The following EXOC4 variants were observed in gnomAD, a reference collection of about 807,000 sequenced individuals.
The protein encoded by EXOC4 is exocyst complex component 4.
Under a neutral mutation model 107.2 loss-of-function variants are expected in EXOC4, and 71 were observed. The observed-to-expected ratio is 0.66, with a 90% confidence interval of 0.55 to 0.81. The LOEUF is 0.81. Among genes scored for constraint, EXOC4 ranks in the 30% least tolerant of loss-of-function variants. The pLI is 0.00. For synonymous variants in EXOC4, 456 were observed against 441.2 expected, an observed-to-expected ratio of 1.03 and a Z score of -0.42; for missense variants, 1,108 against 1,189.6, an observed-to-expected ratio of 0.93 and a Z score of 1.01.
In EXOC4 at chr7:133,275,134, C is replaced by T; in HGVS notation, c.239C>T (p.Thr80Ile). Residue 80 changes from threonine (T) to isoleucine (I), a missense_variant, in exon 2 of 18, where the codon ACA (threonine) becomes ATA (isoleucine). Coordinates refer to ENST00000253861, the MANE Select transcript of EXOC4 (RefSeq NM_021807.4). ...GCCATTCGCACATACCAGAGCATCACAGAGCGCATCACTAACTCCCGAAAT... is the reference window on the plus strand; with the variant it reads ...GCCATTCGCACATACCAGAGCATCATAGAGCGCATCACTAACTCCCGAAAT... ...TTAIRTYQSI[T>I]ERITNSRNKI... 1 of 1,607,418 alleles carries T rather than the reference C, an allele frequency of 6.2e-7. No homozygotes were observed. Among genetic ancestry groups the T allele is most frequent in the Non-Finnish European group, 8.5e-7 (1 of 1,176,800 alleles).
In EXOC4 at chr7:133,274,540, C is replaced by T. The variant is rs191964514; in HGVS notation, c.87-442C>T. Among the ~76,000 whole-genome samples, 5 of 152,284 alleles carry T rather than the reference C, an allele frequency of 3.3e-5. No homozygotes were observed. In the East Asian group the frequency reaches 9.6e-4, roughly 29 times the overall value. On this transcript the variant is annotated intron_variant, in intron 1 of 17. Transcript: ENST00000253861. ...GGCTGAAGTGTCTTAAGTATCTTAT[C>T]TTTGTACAGTGATACCTAGGGTTGG...
chr7:133,453,454 C>T (rs1249928795), intron 7 of EXOC4, among the ~76,000 whole-genome samples: 5 of 152,128 alleles, frequency 3.3e-5, no homozygotes, highest in Admixed American at 2.0e-4. Flanking sequence ...GATCTGTAAT[C>T]ATTTAAAGAA....
chr7:133,351,027 G>C (rs1795897470), intron 5 of EXOC4, among the ~76,000 whole-genome samples: 1 of 151,494 alleles, frequency 6.6e-6, no homozygotes, highest in South Asian at 2.1e-4. Context: ...ATTTCCTTTT[G>C]AGATTGTTCA....
chr7:133,342,093 C>G (rs575942641), intron 5 of EXOC4, among the ~76,000 whole-genome samples: 2 of 151,834 alleles, frequency 1.3e-5, no homozygotes, highest in East Asian at 3.9e-4. Context: ...TGCCTGAATA[C>G]CTTGGTTTTT....
At chr7:134,086,752 G>A in the EXOC4 span, among the ~76,000 whole-genome samples, 1 of 152,298 alleles carries the variant, frequency 6.6e-6, no homozygotes, top group Non-Finnish European at 1.5e-5. Flanking sequence ...TATTAAGAAA[G>A]TAGAGGAATA....
chr7:133,265,748 A>C (rs1793713497), intron 1 of EXOC4, among the ~76,000 whole-genome samples: 1 of 152,198 alleles, frequency 6.6e-6, no homozygotes, highest in Non-Finnish European at 1.5e-5. Flanking sequence ...GAATGTCTTT[A>C]GTAGACAATT....
intron 2 of EXOC4, among the ~76,000 whole-genome samples, chr7:133,284,909 C>T (rs930759280): frequency 2.6e-5 from 4 of 152,164 alleles, no homozygotes; most frequent in African/African-American, 7.2e-5. Flanking sequence ...TCATCCTACC[C>T]CGGTCCCAGT....
intron 10 of EXOC4, among the ~76,000 whole-genome samples, chr7:133,746,148 G>T (rs10954431): frequency 0.36 from 54,969 of 151,852 alleles, 12,366 homozygotes; most frequent in Admixed American, 0.54. Context: ...TTTAGAAGTG[G>T]CCATTCCAAC....
chr7:133,548,513 T>C (rs1416656170), intron 9 of EXOC4, among the ~76,000 whole-genome samples: 2 of 152,338 alleles, frequency 1.3e-5, no homozygotes, highest in African/African-American at 4.8e-5. Flanking sequence ...TCATCTACAC[T>C]GAAAATCTGT....
chr7:133,381,611 T>A (rs1796620390), intron 7 of EXOC4, among the ~76,000 whole-genome samples: 1 of 152,168 alleles, frequency 6.6e-6, no homozygotes, highest in African/African-American at 2.4e-5. Flanking sequence ...GATGAAAAGC[T>A]TGGATAGGTA....
Position 133,362,338 on chromosome 7 carries a change from G to C in EXOC4, c.1007+5765G>C, listed in dbSNP as rs1018854933. Among the ~76,000 whole-genome samples the C allele has an allele frequency of 5.9e-5, 9 of 152,094 alleles. No individual in the cohort carries two copies. The East Asian group carries it at 1.5e-3, about 26-fold the overall frequency. The stretch of plus-strand genomic sequence containing the variant: ...ACACATACTATACTGTATTGTAAGG[G>C]GTTGTACACCCTTTTCTTTTCTGTC... On this transcript the variant is annotated intron_variant, in intron 6 of 17. Transcript: ENST00000253861.
At chr7:133,484,368 C>A (rs777017006) in intron 9 of EXOC4, among the ~76,000 whole-genome samples, 1 of 152,116 alleles carries the variant, frequency 6.6e-6, no homozygotes, top group Non-Finnish European at 1.5e-5. Flanking sequence ...CAGTGTTAAT[C>A]ATAGGCTTCC....
intron 10 of EXOC4, among the ~76,000 whole-genome samples, chr7:133,770,315 AACAG>A (rs1443666036): frequency 2.0e-4 from 30 of 151,882 alleles, no homozygotes; most frequent in African/African-American, 7.2e-4. Flanking sequence ...GCCTACAGCT[AACAG>A]TCCTGGATTC....
chr7:133,450,180 AT>A (rs942302233), intron 7 of EXOC4, among the ~76,000 whole-genome samples: 27 of 149,416 alleles, frequency 1.8e-4, no homozygotes, highest in African/African-American at 4.7e-4. Context: ...GGTTATTATT[AT>A]TTTTTTTTTG....
intron 3 of EXOC4, among the ~76,000 whole-genome samples, chr7:133,304,352 A>G (rs1307397172): frequency 2.6e-5 from 4 of 152,122 alleles, no homozygotes; most frequent in Non-Finnish European, 4.4e-5. Flanking sequence ...TCCATTTGGA[A>G]TTGCTGGCAG....
intron 9 of EXOC4, among the ~76,000 whole-genome samples, chr7:133,576,012 T>G (rs1032209841): frequency 1.8e-4 from 28 of 152,344 alleles, no homozygotes; most frequent in East Asian, 7.7e-4. Context: ...GGACCTCCGC[T>G]TACTCCTTCA....
At chr7:133,783,916 A>G (rs1008326786) in intron 10 of EXOC4, among the ~76,000 whole-genome samples, 27 of 152,152 alleles carry the variant, frequency 1.8e-4, no homozygotes, top group African/African-American at 5.8e-4. Context: ...ATGCATGTTT[A>G]TTTTTGATGT....
intron 14 of EXOC4, among the ~76,000 whole-genome samples, chr7:133,971,401 G>GAAAA (rs1554429119): frequency 1.8e-5 from 2 of 110,710 alleles, no homozygotes; most frequent in African/African-American, 6.6e-5. Flanking sequence ...GAGAGAGAGA[G>GAAAA]AAAGAGAGAG....
intron 1 of EXOC4, among the ~76,000 whole-genome samples, chr7:133,272,065 T>C (rs1464563859): frequency 1.3e-5 from 2 of 152,202 alleles, no homozygotes; most frequent in Non-Finnish European, 2.9e-5. Flanking sequence ...GGAACAATAA[T>C]AGCTAACGAC....
Sources: gnomAD v4.1 joint callset for allele counts (sites outside exome capture counted in the v4.1 genomes callset) on GRCh38, gnomAD v4.1.1 for gene constraint, MANE v1.5 for transcripts, NCBI Gene and HGNC (gene_info 2026-07-23, HGNC 2026-07-21) for gene names.